Variants in AGBL1 observed in about 807,000 individuals in gnomAD.
AGBL1 encodes the protein cytosolic carboxypeptidase 4.
AGBL1 carries 130 observed loss-of-function variants against 118.9 expected under a neutral mutation model. The observed-to-expected ratio is 1.09, with a 90% confidence interval of 0.95 to 1.26. The LOEUF (loss-of-function observed/expected upper bound fraction) is 1.26. AGBL1 is among the 50% of genes most tolerant of loss of function. AGBL1 has a pLI of 0.00. For missense variants in AGBL1, 1,584 were observed against 1,298.1 expected, an observed-to-expected ratio of 1.22 and a Z score of -3.38; for synonymous variants, 555 against 478.9, an observed-to-expected ratio of 1.16 and a Z score of -2.08.
intron 1 of AGBL1, among the ~76,000 whole-genome samples, chr15:86,106,816 C>A (rs1403338444): frequency 6.6e-6 from 1 of 152,176 alleles, no homozygotes; most frequent in African/African-American, 2.4e-5. Context: ...CTTGCTAGTT[C>A]TTGGAGTTGC....
At chr15:86,895,470 A>C (rs767465230) in intron 22 of AGBL1, among the ~76,000 whole-genome samples, 6 of 151,318 alleles carry the variant, frequency 4.0e-5, no homozygotes, top group Non-Finnish European at 7.4e-5. Flanking sequence ...TAAGCTATAT[A>C]CTATAGTAGT....
intron 17 of AGBL1, among the ~76,000 whole-genome samples, chr15:86,326,796 A>G (rs896213634): frequency 1.3e-5 from 2 of 152,218 alleles, no homozygotes; most frequent in South Asian, 4.1e-4. Flanking sequence ...AAGTGCAGCC[A>G]AGACTGGTAA....
At chr15:86,583,070 A>G (rs2084195787) in intron 21 of AGBL1, among the ~76,000 whole-genome samples, 1 of 152,014 alleles carries the variant, frequency 6.6e-6, no homozygotes, top group Non-Finnish European at 1.5e-5. Flanking sequence ...ACACCATGGT[A>G]TTATTAGTTG....
At chr15:86,301,641 GGTGTGTGT>G (rs60282415) in intron 17 of AGBL1, among the ~76,000 whole-genome samples, 32,813 of 136,950 alleles carry the variant, frequency 0.24, 3,969 homozygotes, top group Non-Finnish European at 0.26. Context: ...TAATCTACAG[GGTGTGTGT>G]GTGTGTGTGT....
intron 21 of AGBL1, among the ~76,000 whole-genome samples, chr15:86,620,718 T>C (rs2084790915): frequency 6.6e-6 from 1 of 152,194 alleles, no homozygotes; most frequent in African/African-American, 2.4e-5. Context: ...TAATCTATCT[T>C]CTCATTAGAG....
chr15:86,986,108 G>A (rs751589087), intron 23 of AGBL1, among the ~76,000 whole-genome samples: 1 of 152,034 alleles, frequency 6.6e-6, no homozygotes, highest in Admixed American at 6.6e-5. Context: ...ATTTTTAGTA[G>A]AGACGGGGTT....
At chr15:86,748,744 C>A (rs1447835344) in intron 22 of AGBL1, among the ~76,000 whole-genome samples, 29 of 151,734 alleles carry the variant, frequency 1.9e-4, no homozygotes, top group Admixed American at 1.9e-3. Context: ...TCAGTTTTCC[C>A]AGCACCATTT....
chr15:86,246,308 A>T (rs2141988952), intron 6 of AGBL1, among the ~76,000 whole-genome samples: 1 of 152,292 alleles, frequency 6.6e-6, no homozygotes. Context: ...AAGTAACAGA[A>T]GTGTTTCTGT....
At chr15:86,980,537 T>C (rs1174789927) in intron 23 of AGBL1, among the ~76,000 whole-genome samples, 4 of 152,098 alleles carry the variant, frequency 2.6e-5, no homozygotes, top group Non-Finnish European at 5.9e-5. Context: ...TAACTTCCAT[T>C]CCTCCTCTAA....
rs2083366236 is a variant in AGBL1, at chr15:86,532,608, T to G, written c.2685+9669T>G. On this transcript the variant is annotated intron_variant, in intron 19 of 22. Transcript: ENST00000614907. ...CTTTCTTCACAGAATTGGAAAAAAC[T>G]ACTTTAAAGTTCATATGGAACCAAA... 3.4e-5 allele frequency among the ~76,000 whole-genome samples: 5 copies of G among 146,516 alleles called. No individual in the cohort carries two copies. In the South Asian group the frequency reaches 8.9e-4, roughly 26 times the overall value.
chr15:86,702,786 C>T (rs576405967), intron 22 of AGBL1, among the ~76,000 whole-genome samples: 1 of 152,184 alleles, frequency 6.6e-6, no homozygotes, highest in South Asian at 2.1e-4. Context: ...TTGTCTTCGT[C>T]TGCTGGTGTT....
chr15:86,364,188 G>A (rs867242011), intron 17 of AGBL1, among the ~76,000 whole-genome samples: 18 of 152,012 alleles, frequency 1.2e-4, no homozygotes, highest in African/African-American at 1.2e-4. Flanking sequence ...ATTAAATACA[G>A]TGTGAAATTC....
At chr15:86,573,933 A>G (rs1217320957) in intron 21 of AGBL1, among the ~76,000 whole-genome samples, 2 of 152,232 alleles carry the variant, frequency 1.3e-5, no homozygotes, top group Non-Finnish European at 2.9e-5. Flanking sequence ...AAATCACAAT[A>G]ATAAAAATAC....
At position 86,546,100 on chromosome 15, in the gene AGBL1, C is replaced by T. The variant is rs2083577150; in HGVS notation, c.2784C>T (p.Gly928=). 1 of 1,613,340 alleles carries T rather than the reference C, an allele frequency of 6.2e-7. No homozygotes were observed. Among genetic ancestry groups the T allele is most frequent in the Middle Eastern group, 1.7e-4 (1 of 6,052 alleles). Residue 928 remains glycine, a synonymous_variant, in exon 20 of 23, where the codon GGC becomes GGT. Coordinates refer to ENST00000614907, the MANE Select transcript of AGBL1 (RefSeq NM_001386094.1). The part of the protein sequence containing the change: ...ETLWQAACTV[G]TSTILEEVNY... ...TGTGGCAAGCAGCATGCACTGTGGG[C>T]ACATCTACTATCCTAGAGGAGGTCA... is the stretch of plus-strand genomic sequence containing the variant.
At chr15:86,610,462 G>C (rs1259721047) in intron 21 of AGBL1, among the ~76,000 whole-genome samples, 1 of 152,128 alleles carries the variant, frequency 6.6e-6, no homozygotes, top group Non-Finnish European at 1.5e-5. Flanking sequence ...CACTTTCTTG[G>C]ATGTGAATGT....
At chr15:86,118,419 T>C (rs914257657) in intron 1 of AGBL1, among the ~76,000 whole-genome samples, 1 of 151,992 alleles carries the variant, frequency 6.6e-6, no homozygotes, top group Non-Finnish European at 1.5e-5. Flanking sequence ...CAGCACCACG[T>C]ACACTGTTGG....
chr15:86,629,352 A>G (rs2084932196), intron 21 of AGBL1, among the ~76,000 whole-genome samples: 1 of 152,204 alleles, frequency 6.6e-6, no homozygotes, highest in Non-Finnish European at 1.5e-5. Context: ...ACTCTGAATT[A>G]ATGGATCTCT....
At chr15:86,321,369 C>G (rs12437555) in intron 17 of AGBL1, among the ~76,000 whole-genome samples, 86,939 of 151,614 alleles carry the variant, frequency 0.57, 25,236 homozygotes, top group Middle Eastern at 0.69. Flanking sequence ...TTTAATCTGA[C>G]TTTTAACCTT....
In AGBL1 at chr15:86,910,887, G is replaced by A. The variant is rs1464006102; in HGVS notation, c.*3593G>A. 1 of 152,132 alleles carries A rather than the reference G, an allele frequency of 6.6e-6. No individual in the cohort carries two copies. The highest frequency in any genetic ancestry group is 2.1e-4 in the South Asian group (1 of 4,816). The allele number at this position is 152,132 out of a possible 1,614,324, so 9.4% of individuals were successfully genotyped here. ...CTCTCCTTTCCTGCTAGGACTGAAG[G>A]CTATCTTGTGTCAAATCTCACCAGT... On this transcript the variant is annotated 3_prime_UTR_variant, in exon 23 of 23. Coordinates refer to ENST00000614907, the MANE Select transcript of AGBL1 (RefSeq NM_001386094.1).
Sources: allele counts gnomAD v4.1 joint callset (sites outside exome capture counted in the v4.1 genomes callset), GRCh38; gene constraint gnomAD v4.1.1; transcripts MANE v1.5; gene names NCBI Gene and HGNC (gene_info 2026-07-23, HGNC 2026-07-21).